The following AAR2 variants were observed in gnomAD, a reference collection of about 807,000 sequenced individuals.
AAR2 encodes the protein protein AAR2 homolog.
In AAR2, 31 loss-of-function variants were observed where a neutral mutation model predicts 26.9. The observed-to-expected ratio is 1.15, with a 90% CI of 0.86 to 1.55. AAR2 has a LOEUF of 1.55. AAR2 is among the 40% of genes most tolerant of loss of function. The probability of loss-of-function intolerance (pLI) is 0.00; values close to 1 mark genes in which losing one functional copy is unlikely to be tolerated. For missense variants in AAR2, 430 were observed against 491.3 expected, an observed-to-expected ratio of 0.88 and a Z score of 1.18; for synonymous variants, 188 against 196.1, an observed-to-expected ratio of 0.96 and a Z score of 0.34.
At chr20:36,255,153 T>C (rs1268361564) in intron 3 of AAR2, among the ~76,000 whole-genome samples, 1 of 152,208 alleles carries the variant, frequency 6.6e-6, no homozygotes, top group East Asian at 1.9e-4. Context: ...CTGTGGCCCA[T>C]TTAGAAGATT....
Position 36,240,036 on chromosome 20 carries a change from C to A in AAR2, c.168C>A (p.His56Gln), listed in dbSNP as rs753678756. 6.2e-7 allele frequency: 1 copy of A among 1,614,242 alleles called. No homozygotes were observed. The highest frequency in any genetic ancestry group is 8.5e-7 in the Non-Finnish European group (1 of 1,180,036). ...RGVKMIPPGI[H>Q]FLHYSSVDKA... ...TGAAGATGATCCCTCCAGGCATCCA[C>A]TTCCTCCACTACAGCTCTGTGGACA... is the stretch of plus-strand genomic sequence containing the variant. The change falls in exon 2 of 4, where the codon CAC becomes CAA. Residue 56 changes from histidine to glutamine, a missense_variant. His to Gln is a conservative substitution (Grantham distance 24). Transcript: ENST00000320849.
chr20:36,246,271 T>C (rs1055634541), intron 3 of AAR2, among the ~76,000 whole-genome samples: 4 of 152,170 alleles, frequency 2.6e-5, no homozygotes, highest in Non-Finnish European at 4.4e-5. Context: ...AGGTCCTGTT[T>C]CTCAGAGGTA....
Position 36,244,893 on chromosome 20 carries a change from C to T in AAR2, c.954C>T (p.Val318=). The stretch of plus-strand genomic sequence containing the variant: ...CCGCTGACTTCTTCGTAGACATTGT[C>T]TCCCAAGACAACTTCCTCACCAGCA... ...EIPADFFVDI[V]SQDNFLTSTL... Residue 318 remains valine (V), a synonymous_variant, in exon 3 of 4, where the codon GTC becomes GTT. Transcript: ENST00000320849. 1 of 1,614,180 alleles carries T rather than the reference C, an allele frequency of 6.2e-7. No homozygotes were observed. Among genetic ancestry groups the T allele is most frequent in the Non-Finnish European group, 8.5e-7 (1 of 1,180,022 alleles).
At position 36,248,404 on chromosome 20, in the gene AAR2, C is replaced by T. The variant is rs915304115; in HGVS notation, c.987+3478C>T. Among the ~76,000 whole-genome samples the T allele has an allele frequency of 1.2e-4, 18 of 150,700 alleles. No individual in the cohort carries two copies. In the East Asian group the frequency reaches 1.4e-3, roughly 11 times the overall value. On this transcript the variant is annotated intron_variant, in intron 3 of 3. Transcript: ENST00000320849. ...AGGCTGGAGTACAATGGCGCGATCTCGGCTCACTGCAACCTCTGCCTCCCG... is the reference window on the plus strand; with the variant it reads ...AGGCTGGAGTACAATGGCGCGATCTTGGCTCACTGCAACCTCTGCCTCCCG...
chr20:36,252,668 G>A (rs1337532497), intron 3 of AAR2, among the ~76,000 whole-genome samples: 1 of 152,182 alleles, frequency 6.6e-6, no homozygotes, highest in Non-Finnish European at 1.5e-5. Flanking sequence ...AGTGGCACAT[G>A]TTTGGGCAGC....
Position 36,255,706 on chromosome 20 carries a change from G to C in AAR2, c.1116G>C (p.Pro372=). The change falls in exon 4 of 4, where the codon CCG becomes CCC. Residue 372 remains proline (P), a synonymous_variant. Coordinates refer to ENST00000320849, the MANE Select transcript of AAR2 (RefSeq NM_001271874.2). ...CTGCGGAACCTGAGGACTGTGCCCC[G>C]GTGGTGGTGGAGCTCCCTGAGGGCA... ...DFAAEPEDCA[P]VVVELPEGIE... 4 of 1,614,122 alleles carry C rather than the reference G, an allele frequency of 2.5e-6. No individual in the cohort carries two copies. Among genetic ancestry groups the C allele is most frequent in the South Asian group, 2.2e-5 (2 of 91,066 alleles).
At chr20:36,241,824 TACAC>T (rs757130303) in intron 2 of AAR2, among the ~76,000 whole-genome samples, 28 of 152,260 alleles carry the variant, frequency 1.8e-4, no homozygotes, top group Non-Finnish European at 3.7e-4. Context: ...CGTGTGTACT[TACAC>T]ATACATTTAG....
At chr20:36,250,919 A>G (rs542110177) in intron 3 of AAR2, among the ~76,000 whole-genome samples, 1 of 152,222 alleles carries the variant, frequency 6.6e-6, no homozygotes, top group South Asian at 2.1e-4. Context: ...AAAAAATACC[A>G]GGCGTGGTGG....
intron 3 of AAR2, among the ~76,000 whole-genome samples, chr20:36,255,317 C>T (rs948520646): frequency 3.3e-5 from 5 of 152,224 alleles, no homozygotes; most frequent in Non-Finnish European, 5.9e-5. Context: ...CAGTAGAACC[C>T]CCCAGGGGGT....
At chr20:36,237,438 CCAGGA>C (rs1474169778) in intron 1 of AAR2, among the ~76,000 whole-genome samples, 11 of 152,184 alleles carry the variant, frequency 7.2e-5, no homozygotes, top group African/African-American at 2.6e-4. Context: ...TTTAGGTGTT[CCAGGA>C]CTGTGAGGAA....
intron 3 of AAR2, among the ~76,000 whole-genome samples, chr20:36,250,487 A>G (rs1268313627): frequency 6.6e-6 from 1 of 152,246 alleles, no homozygotes; most frequent in Non-Finnish European, 1.5e-5. Flanking sequence ...TCTGAAAATA[A>G]AAGAATCAGA....
intron 3 of AAR2, among the ~76,000 whole-genome samples, chr20:36,253,985 A>G (rs2064800228): frequency 6.6e-6 from 1 of 152,194 alleles, no homozygotes; most frequent in Non-Finnish European, 1.5e-5. Context: ...ACCTTTGTGC[A>G]TTGCTGGTGG....
At position 36,240,471 on chromosome 20, in the gene AAR2, A is replaced by G. The variant is rs780790498; in HGVS notation, c.603A>G (p.Arg201=). 13 of 1,614,182 alleles carry G rather than the reference A, an allele frequency of 8.1e-6. No homozygotes were observed. The South Asian group carries it at 1.2e-4, about 15-fold the overall frequency. Residue 201 remains arginine (R), a synonymous_variant, in exon 2 of 4, where the codon AGA becomes AGG. Transcript: ENST00000320849. ...GLARLPEMKP[R]AGTEIRFSEL... ...CCCGGCTACCAGAGATGAAGCCCAG[A>G]GCCGGGACAGAGATCCGCTTCTCAG...
rs745695081 is a variant in AAR2 at position 36,256,587 on chromosome 20, T to C, written c.*842T>C. ...CCCAGAGCAGGCTTCTTAAGGCCTTTACGAAGTTTTGTGCCTTCCAAGTGC... is the reference window on the plus strand; with the variant it reads ...CCCAGAGCAGGCTTCTTAAGGCCTTCACGAAGTTTTGTGCCTTCCAAGTGC... On this transcript the variant is annotated 3_prime_UTR_variant, in exon 4 of 4. Coordinates refer to ENST00000320849, the MANE Select transcript of AAR2 (RefSeq NM_001271874.2). The C allele has an allele frequency of 3.2e-4, 49 of 152,234 alleles. 1 individual carries two copies. The highest frequency in any genetic ancestry group is 6.5e-5 in the Admixed American group (1 of 15,286). The allele number at this position is 152,234 out of a possible 1,614,324, so 9.4% of individuals were successfully genotyped here.
rs539339375 is a variant in AAR2 at position 36,242,401 on chromosome 20, T to C, written c.757+1776T>C. Among the ~76,000 whole-genome samples, 10 of 147,348 alleles carry C rather than the reference T, an allele frequency of 6.8e-5. No homozygotes were observed. The South Asian group carries it at 1.7e-3, about 25-fold the overall frequency. On this transcript the variant is annotated intron_variant, in intron 2 of 3. Coordinates refer to ENST00000320849, the MANE Select transcript of AAR2 (RefSeq NM_001271874.2). The stretch of plus-strand genomic sequence containing the variant: ...GTTGTTGTTGTTGTTGTTGTTGTTG[T>C]TGTTGTTGAGACGGAGTCTTGCTCT...
At chr20:36,242,895 T>A (rs1228019956) in intron 2 of AAR2, among the ~76,000 whole-genome samples, 1 of 146,056 alleles carries the variant, frequency 6.8e-6, no homozygotes, top group Non-Finnish European at 1.5e-5. Flanking sequence ...TCTCACTCTG[T>A]GACATGGGCT....
rs1222772187 is a variant in AAR2 at position 36,240,446 on chromosome 20, C to T, written c.578C>T (p.Ala193Val). The change falls in exon 2 of 4, where the codon GCC (alanine) becomes GTC (valine). Residue 193 changes from alanine (A) to valine (V), a missense_variant. Transcript: ENST00000320849. ...TGCAAAAGCTACCAAGAGGGCCTGG[C>T]CCGGCTACCAGAGATGAAGCCCAGA... Reference protein sequence around the residue: ...IECKSYQEGLARLPEMKPRAG... With the variant: ...IECKSYQEGLVRLPEMKPRAG... 1.2e-6 allele frequency: 2 copies of T among 1,614,106 alleles called. No homozygotes were observed. The highest frequency in any genetic ancestry group is 1.7e-6 in the Non-Finnish European group (2 of 1,180,060).
chr20:36,254,300 T>G (rs2064802769), intron 3 of AAR2, among the ~76,000 whole-genome samples: 1 of 152,256 alleles, frequency 6.6e-6, no homozygotes. Context: ...GCATCATTAA[T>G]GAACCTTGAA....
intron 1 of AAR2, among the ~76,000 whole-genome samples, chr20:36,238,614 G>C (rs565294060): frequency 2.6e-5 from 4 of 151,996 alleles, no homozygotes; most frequent in Non-Finnish European, 4.4e-5. Context: ...AACTTAGCCA[G>C]GTGTGGTGGC....
Sources: allele counts gnomAD v4.1 joint callset (sites outside exome capture counted in the v4.1 genomes callset), GRCh38; gene constraint gnomAD v4.1.1; transcripts MANE v1.5; gene names NCBI Gene and HGNC (gene_info 2026-07-23, HGNC 2026-07-21).